The following TMEM117 variants were observed in gnomAD, a reference collection of about 807,000 sequenced individuals.
TMEM117 encodes the protein transmembrane protein 117.
In TMEM117, 27 loss-of-function variants were observed where a neutral mutation model predicts 52.4. That is an observed-to-expected ratio of 0.51 (90% CI 0.38 to 0.71). The LOEUF is 0.71. TMEM117 is among the 30% of genes least tolerant of loss of function. TMEM117 has a pLI of 0.00. For missense variants in TMEM117, 556 were observed against 630.5 expected (o/e 0.88, Z 1.26); for synonymous variants, 215 against 206.3 (o/e 1.04, Z -0.36).
At chr12:43,968,568 T>C (rs537716128) in intron 3 of TMEM117, among the ~76,000 whole-genome samples, 1 of 152,214 alleles carries the variant, frequency 6.6e-6, no homozygotes, top group Non-Finnish European at 1.5e-5. Flanking sequence ...TGATTTGTTG[T>C]CTATAACTTA....
At chr12:44,328,001 ATG>A (rs764554485) in intron 6 of TMEM117, among the ~76,000 whole-genome samples, 15 of 152,188 alleles carry the variant, frequency 9.9e-5, no homozygotes, top group Admixed American at 2.0e-4. Context: ...CGGATTACAA[ATG>A]TGTTTTTCTC....
intron 3 of TMEM117, among the ~76,000 whole-genome samples, chr12:44,137,620 A>G (rs551595119): frequency 2.0e-5 from 3 of 152,278 alleles, no homozygotes; most frequent in Admixed American, 6.5e-5. Context: ...ATCATGGTGG[A>G]AAGCAAGGAG....
chr12:44,281,308 C>A (rs181477755), intron 5 of TMEM117, among the ~76,000 whole-genome samples: 24 of 151,936 alleles, frequency 1.6e-4, no homozygotes, highest in African/African-American at 5.8e-4. Context: ...ATCTGCCTTC[C>A]TAGCCATTAT....
intron 6 of TMEM117, among the ~76,000 whole-genome samples, chr12:44,335,604 A>T (rs980910575): frequency 6.6e-6 from 1 of 152,108 alleles, no homozygotes; most frequent in African/African-American, 2.4e-5. Context: ...TAAAGTTAAA[A>T]TGTATCTAAT....
At chr12:43,852,984 G>A (rs1352958172) in intron 2 of TMEM117, among the ~76,000 whole-genome samples, 1 of 152,192 alleles carries the variant, frequency 6.6e-6, no homozygotes, top group East Asian at 1.9e-4. Context: ...TTGGAAGGCA[G>A]GCCACCTCAG....
intron 5 of TMEM117, among the ~76,000 whole-genome samples, chr12:44,226,071 T>C (rs1275134152): frequency 6.6e-6 from 1 of 152,230 alleles, no homozygotes; most frequent in Non-Finnish European, 1.5e-5. Context: ...TACATTTACA[T>C]GGCGCTCTAA....
At chr12:44,255,008 A>G (rs1950242925) in intron 5 of TMEM117, among the ~76,000 whole-genome samples, 1 of 152,186 alleles carries the variant, frequency 6.6e-6, no homozygotes, top group Non-Finnish European at 1.5e-5. Flanking sequence ...TTATGGCTGC[A>G]TAGTATTCCA....
intron 4 of TMEM117, among the ~76,000 whole-genome samples, chr12:44,210,148 T>A (rs1179494350): frequency 6.6e-6 from 1 of 152,148 alleles, no homozygotes; most frequent in East Asian, 1.9e-4. Context: ...TTTCATAATT[T>A]TGAATCTGTC....
chr12:44,043,340 T>C (rs189800935), intron 3 of TMEM117, among the ~76,000 whole-genome samples: 98 of 152,266 alleles, frequency 6.4e-4, no homozygotes, highest in African/African-American at 2.2e-3. Context: ...CAACGAAAGA[T>C]GGATGCACAG....
At chr12:44,377,273 C>A (rs1374812184) in intron 7 of TMEM117, among the ~76,000 whole-genome samples, 1 of 152,104 alleles carries the variant, frequency 6.6e-6, no homozygotes, top group Non-Finnish European at 1.5e-5. Flanking sequence ...ACATAGAACT[C>A]AGTATCTATT....
intron 2 of TMEM117, among the ~76,000 whole-genome samples, chr12:43,937,061 G>A (rs1944963494): frequency 6.6e-6 from 1 of 152,160 alleles, no homozygotes; most frequent in Non-Finnish European, 1.5e-5. Context: ...TTTTAAAAAG[G>A]CACAGGTAGG....
At chr12:44,263,929 G>A (rs1282558341) in intron 5 of TMEM117, 1 of 152,142 alleles carries the variant, frequency 6.6e-6, no homozygotes, top group Non-Finnish European at 1.5e-5. Flanking sequence ...GTATCCTGGA[G>A]GATCATATTA....
intron 2 of TMEM117, among the ~76,000 whole-genome samples, chr12:43,901,709 A>G (rs1048382257): frequency 6.6e-6 from 1 of 152,220 alleles, no homozygotes; most frequent in Non-Finnish European, 1.5e-5. Context: ...TCACAGCGCT[A>G]CTAACCAACT....
chr12:43,900,102 C>A (rs1031787245), intron 2 of TMEM117, among the ~76,000 whole-genome samples: 1 of 152,168 alleles, frequency 6.6e-6, no homozygotes, highest in Non-Finnish European at 1.5e-5. Context: ...ATTCTCAAAT[C>A]TGATCCTCCA....
chr12:44,388,665 C>T lies in TMEM117; in HGVS notation c.1538C>T (p.Thr513Met), dbSNP rs771506099. Residue 513 changes from threonine to methionine, a missense_variant, in exon 8 of 8, where the codon ACG becomes ATG. Thr to Met is a moderately conservative substitution (Grantham distance 81). Transcript: ENST00000266534. ...QDPTTSKSTP[T>M]N ...CCAACGACTTCTAAAAGTACACCTA[C>T]GAACTAGACTCGGAGATAGACTTGG... 79 of 1,612,416 alleles carry T rather than the reference C, an allele frequency of 4.9e-5. No individual in the cohort carries two copies. The highest frequency in any genetic ancestry group is 2.4e-4 in the South Asian group (22 of 91,004).
chr12:43,820,492 C>T, the TMEM117 span, among the ~76,000 whole-genome samples: 1 of 151,810 alleles, frequency 6.6e-6, no homozygotes, highest in Non-Finnish European at 1.5e-5. Context: ...CCAGGATGGT[C>T]TCGATCTCCT....
chr12:43,982,307 A>G (rs1352711549), intron 3 of TMEM117, among the ~76,000 whole-genome samples: 1 of 152,148 alleles, frequency 6.6e-6, no homozygotes. Flanking sequence ...GTGAGTGTGA[A>G]TCTGAATAAG....
chr12:44,234,970 T>C (rs1409969107), intron 5 of TMEM117, among the ~76,000 whole-genome samples: 1 of 151,658 alleles, frequency 6.6e-6, no homozygotes, highest in African/African-American at 2.4e-5. Context: ...TTATTAACTG[T>C]GTTCAATTCA....
At chr12:43,928,601 T>A (rs1944820117) in intron 2 of TMEM117, among the ~76,000 whole-genome samples, 1 of 152,082 alleles carries the variant, frequency 6.6e-6, no homozygotes, top group African/African-American at 2.4e-5. Context: ...TTATTTATTT[T>A]TTATTATTAT....
Sources: gnomAD v4.1 joint callset for allele counts (sites outside exome capture counted in the v4.1 genomes callset) on GRCh38, gnomAD v4.1.1 for gene constraint, MANE v1.5 for transcripts, NCBI Gene and HGNC (gene_info 2026-07-23, HGNC 2026-07-21) for gene names.